MDGA2: variants seen among roughly 807,000 people sequenced by gnomAD.
MDGA2 encodes MAM domain containing glycosylphosphatidylinositol anchor 2.
In MDGA2, 40 loss-of-function variants were observed where a neutral mutation model predicts 117.8. The observed-to-expected ratio is 0.34, with a 90% confidence interval of 0.26 to 0.44. MDGA2 has a LOEUF of 0.44. Ranked by LOEUF, MDGA2 falls within the 20% of genes least tolerant of loss-of-function variation. The pLI is 1.00. For missense variants in MDGA2, 1,123 were observed against 1,250.6 expected (o/e 0.90, Z 1.54); for synonymous variants, 452 against 439.0 (o/e 1.03, Z -0.37).
At chr14:47,673,631 G>GGTGTGT (rs1566569365) in intron 1 of MDGA2, among the ~76,000 whole-genome samples, 1 of 44,788 alleles carries the variant, frequency 2.2e-5, no homozygotes, top group African/African-American at 7.5e-5. Context: ...CTATGACCTG[G>GGTGTGT]ATGTGTGTGT....
chr14:46,964,918 A>ATTTTTTTTT (rs1566549134), intron 8 of MDGA2, among the ~76,000 whole-genome samples: 14 of 95,392 alleles, frequency 1.5e-4, no homozygotes, highest in African/African-American at 7.0e-4. Flanking sequence ...ATATATATTT[A>ATTTTTTTTT]CTTTTTTTTT....
At chr14:46,921,283 A>G (rs1424346228) in intron 9 of MDGA2, among the ~76,000 whole-genome samples, 1 of 152,054 alleles carries the variant, frequency 6.6e-6, no homozygotes, top group Non-Finnish European at 1.5e-5. Context: ...CACTCATTTA[A>G]CATCTTTTCT....
chr14:47,175,522 C>A (rs200072804), intron 3 of MDGA2, among the ~76,000 whole-genome samples: 6,536 of 151,062 alleles, frequency 0.043, 213 homozygotes, highest in East Asian at 0.17. Context: ...TGTAATCCAG[C>A]ATATAAACAG....
chr14:47,131,926 ATTG>A (rs1224748667), intron 4 of MDGA2, 80 bp from the exon 5 acceptor site: 22 of 1,112,008 alleles, frequency 2.0e-5, no homozygotes, highest in Non-Finnish European at 2.2e-5. Context: ...ATCACATTAC[ATTG>A]TATTAAATCA....
intron 2 of MDGA2, among the ~76,000 whole-genome samples, chr14:47,223,721 T>C (rs779032425): frequency 6.6e-6 from 1 of 152,144 alleles, no homozygotes; most frequent in Non-Finnish European, 1.5e-5. Context: ...AGATATGCTA[T>C]TGTATTAGTC....
At chr14:46,853,051 T>A (rs575751886) in intron 15 of MDGA2, among the ~76,000 whole-genome samples, 46 of 152,034 alleles carry the variant, frequency 3.0e-4, no homozygotes, top group African/African-American at 1.1e-3. Flanking sequence ...TAGCAAATAA[T>A]GATTTAAAAT....
At position 47,388,974 on chromosome 14, in the gene MDGA2, C is replaced by T. The variant is rs192098809; in HGVS notation, c.281-87424G>A. On this transcript the variant is annotated intron_variant, in intron 1 of 16. Coordinates refer to ENST00000399232, the MANE Select transcript of MDGA2 (RefSeq NM_001113498.3). ...AGGTCGTATTTTACCTTCTGTATTA[C>T]ATCTTCCCTGGTTATTTCTTATTGA... Among the ~76,000 whole-genome samples the T allele has an allele frequency of 2.0e-4, 31 of 152,304 alleles. No homozygotes were observed. In the East Asian group the frequency reaches 6.0e-3, roughly 29 times the overall value.
intron 1 of MDGA2, among the ~76,000 whole-genome samples, chr14:47,592,561 G>A (rs1177712078): frequency 6.6e-6 from 1 of 152,032 alleles, no homozygotes. Flanking sequence ...GGATGGAATA[G>A]AGATCTCAGA....
chr14:46,985,584 A>C (rs1215582975), intron 8 of MDGA2, among the ~76,000 whole-genome samples: 1 of 152,088 alleles, frequency 6.6e-6, no homozygotes, highest in African/African-American at 2.4e-5. Context: ...ACTTAAAAAG[A>C]ATCCAAACAA....
At chr14:46,967,895 C>A in intron 8 of MDGA2, among the ~76,000 whole-genome samples, 1 of 151,836 alleles carries the variant, frequency 6.6e-6, no homozygotes. Flanking sequence ...AAATATAGTC[C>A]CTCCTCTTCT....
chr14:46,938,540 C>CAAAAAAAAAAAAAAAAA (rs71112472), intron 9 of MDGA2, among the ~76,000 whole-genome samples: 955 of 26,810 alleles, frequency 0.036, 118 homozygotes, highest in Non-Finnish European at 0.056. Flanking sequence ...AAATCCATCT[C>CAAAAAAAAAAAAAAAAA]AAAAAAAAAA....
intron 1 of MDGA2, among the ~76,000 whole-genome samples, chr14:47,342,681 C>T (rs918295203): frequency 6.6e-6 from 1 of 151,938 alleles, no homozygotes; most frequent in Non-Finnish European, 1.5e-5. Context: ...GATGTTGACC[C>T]GGAAAAACGG....
At chr14:47,560,945 T>G (rs1329635164) in intron 1 of MDGA2, among the ~76,000 whole-genome samples, 1 of 152,132 alleles carries the variant, frequency 6.6e-6, no homozygotes, top group Non-Finnish European at 1.5e-5. Flanking sequence ...ATTTATTGAA[T>G]ACAGAATTTT....
chr14:47,125,578 AAG>A (rs988141032), intron 5 of MDGA2, among the ~76,000 whole-genome samples: 6 of 152,048 alleles, frequency 3.9e-5, no homozygotes, highest in African/African-American at 1.4e-4. Context: ...AAGAAAAAAA[AAG>A]AGTAGAAGAG....
At chr14:47,420,507 G>A (rs1020950245) in intron 1 of MDGA2, among the ~76,000 whole-genome samples, 2 of 152,088 alleles carry the variant, frequency 1.3e-5, no homozygotes, top group South Asian at 2.1e-4. Context: ...AGGAAGTAGA[G>A]GAGAAGAAAG....
chr14:47,430,268 C>T (rs985913674), intron 1 of MDGA2, among the ~76,000 whole-genome samples: 2 of 151,354 alleles, frequency 1.3e-5, no homozygotes, highest in Admixed American at 1.3e-4. Context: ...GCCACTAAAA[C>T]AGGCTGATGA....
At chr14:47,405,179 G>A (rs1173300527) in intron 1 of MDGA2, among the ~76,000 whole-genome samples, 2 of 152,094 alleles carry the variant, frequency 1.3e-5, no homozygotes, top group African/African-American at 4.8e-5. Context: ...TTTATCAAAA[G>A]TACAAAGTAA....
rs570372117 is a variant in MDGA2 at position 47,137,630 on chromosome 14, T to C, written c.793-5784A>G. 7.9e-5 allele frequency among the ~76,000 whole-genome samples: 12 copies of C among 152,286 alleles called. No individual in the cohort carries two copies. The East Asian group carries it at 2.3e-3, about 29-fold the overall frequency. The stretch of plus-strand genomic sequence containing the variant: ...CCAGACGCAGATGCCACATCATGCT[T>C]CCTGTACAGTCTGCAAAACTGAGAA... On this transcript the variant is annotated intron_variant, in intron 4 of 16. Coordinates refer to ENST00000399232, the MANE Select transcript of MDGA2 (RefSeq NM_001113498.3).
chr14:47,045,833 C>T (rs1047690515), intron 7 of MDGA2, among the ~76,000 whole-genome samples: 2 of 151,952 alleles, frequency 1.3e-5, no homozygotes, highest in East Asian at 1.9e-4. Flanking sequence ...GGCGTGGTGG[C>T]GGGCGCCTGT....
Sources: gnomAD v4.1 joint callset for allele counts (sites outside exome capture counted in the v4.1 genomes callset) on GRCh38, gnomAD v4.1.1 for gene constraint, MANE v1.5 for transcripts, NCBI Gene and HGNC (gene_info 2026-07-23, HGNC 2026-07-21) for gene names.